The following CSF1R variants were observed in gnomAD, a reference collection of about 807,000 sequenced individuals.
The protein encoded by CSF1R is macrophage colony-stimulating factor 1 receptor.
CSF1R carries 40 observed loss-of-function variants against 110.0 expected under a neutral mutation model. The observed-to-expected ratio is 0.36, with a 90% CI of 0.28 to 0.47. The LOEUF (loss-of-function observed/expected upper bound fraction) is 0.47. Among genes scored for constraint, CSF1R ranks in the 20% least tolerant of loss-of-function variants. The pLI, the probability that CSF1R is intolerant of heterozygous loss-of-function variation, is 0.99. For synonymous variants in CSF1R, 523 were observed against 503.4 expected (o/e 1.04, Z -0.52); for missense variants, 1,052 against 1,253.0 (o/e 0.84, Z 2.42).
intron 10 of CSF1R, among the ~76,000 whole-genome samples, chr5:150,063,800 C>T (rs138911086): frequency 1.6e-3 from 249 of 152,240 alleles, no homozygotes; most frequent in African/African-American, 5.5e-3. Flanking sequence ...CGGTGGAGGA[C>T]ACTGAGGCCC....
intron 1 of CSF1R, among the ~76,000 whole-genome samples, chr5:150,109,059 C>A (rs953660968): frequency 4.8e-4 from 4 of 8,398 alleles, no homozygotes; most frequent in African/African-American, 8.0e-4. Context: ...GAGAAGCCCG[C>A]CCCCCCCCCA....
chr5:150,106,267 A>C (rs1029854575), intron 1 of CSF1R, among the ~76,000 whole-genome samples: 1 of 152,206 alleles, frequency 6.6e-6, no homozygotes, highest in African/African-American at 2.4e-5. Context: ...AGGAGTTTGC[A>C]TGACAGCCCA....
rs1411485405 is a variant in CSF1R at position 150,057,612 on chromosome 5, G to C, written c.2133-20C>G. 3 of 1,595,964 alleles carry C rather than the reference G, an allele frequency of 1.9e-6. No individual in the cohort carries two copies. In the East Asian group the frequency reaches 6.7e-5, roughly 36 times the overall value. On this transcript the variant is annotated intron_variant, in intron 14 of 20. Transcript: ENST00000675795. ...CTGTCCCTACATAGGAGAGAGGGTT[G>C]GGGGGCAGAGGTCACTCATCATCAC...
intron 1 of CSF1R, chr5:150,095,186 T>G (rs1338839992): frequency 6.5e-6 from 4 of 616,988 alleles, no homozygotes; most frequent in East Asian, 5.5e-5. Context: ...AAAGGAGAGA[T>G]ATAAAAATCT....
chr5:150,063,174 C>T (rs769797239), intron 10 of CSF1R, among the ~76,000 whole-genome samples: 1 of 152,136 alleles, frequency 6.6e-6, no homozygotes, highest in Non-Finnish European at 1.5e-5. Context: ...TGTGGCACCA[C>T]ACCTGGCTAA....
chr5:150,054,521 G>T, intron 19 of CSF1R, 91 bp from the exon 20 acceptor site: 1 of 1,056,628 alleles, frequency 9.5e-7, no homozygotes, highest in Non-Finnish European at 1.4e-6. Context: ...CCCAGCAGAG[G>T]TCCCCAAACC....
At chr5:150,082,284 C>T (rs915412066) in intron 1 of CSF1R, among the ~76,000 whole-genome samples, 4 of 152,244 alleles carry the variant, frequency 2.6e-5, no homozygotes, top group Non-Finnish European at 2.9e-5. Flanking sequence ...CCATTGTTCT[C>T]TGCAAACCCC....
intron 1 of CSF1R, among the ~76,000 whole-genome samples, chr5:150,110,461 G>A (rs932570763): frequency 2.0e-5 from 3 of 152,172 alleles, no homozygotes; most frequent in Non-Finnish European, 2.9e-5. Flanking sequence ...TTGCATTTCT[G>A]ACATTGGTTA....
intron 1 of CSF1R, chr5:150,094,540 A>G: frequency 6.3e-7 from 1 of 1,598,136 alleles, no homozygotes; most frequent in South Asian, 1.1e-5. Context: ...AAAGCTGGCA[A>G]CTTCTATGTA....
intron 1 of CSF1R, 46 bp from the exon 2 acceptor site, chr5:150,081,070 G>GC: frequency 1.2e-6 from 2 of 1,600,264 alleles, no homozygotes; most frequent in Non-Finnish European, 1.7e-6. Context: ...TCTAGGATGC[G>GC]CCCCTTGGGC....
intron 5 of CSF1R, chr5:150,077,072 G>A: frequency 3.0e-6 from 2 of 669,708 alleles, no homozygotes; most frequent in Non-Finnish European, 5.3e-6. Flanking sequence ...CACTGTAAGA[G>A]CTCCAAGATG....
intron 1 of CSF1R, among the ~76,000 whole-genome samples, chr5:150,097,298 G>GTAGGGA (rs1759255632): frequency 4.9e-5 from 4 of 81,392 alleles, no homozygotes; most frequent in African/African-American, 2.2e-4. Flanking sequence ...AAGGAGAAGG[G>GTAGGGA]AAGGGAAAGG....
At chr5:150,088,282 CA>C (rs1482917772), upstream of CSF1R, among the ~76,000 whole-genome samples, 2 of 152,088 alleles carry the variant, frequency 1.3e-5, no homozygotes, top group Admixed American at 1.3e-4. Flanking sequence ...GAAATTTAAT[CA>C]GTAATCAAAA....
intron 1 of CSF1R, among the ~76,000 whole-genome samples, chr5:150,104,497 C>T (rs1306061103): frequency 2.0e-5 from 3 of 152,250 alleles, no homozygotes; most frequent in Non-Finnish European, 4.4e-5. Flanking sequence ...CAACCGCATC[C>T]CAGCATTTTC....
At chr5:150,057,199 C>G in intron 16 of CSF1R, 88 bp downstream of exon 16, 2 of 1,137,350 alleles carry the variant, frequency 1.8e-6, no homozygotes, top group Non-Finnish European at 2.6e-6. Flanking sequence ...CTCACAGGCT[C>G]CCGTTTCCTC....
At chr5:150,095,089 A>C in intron 1 of CSF1R, 1 of 648,950 alleles carries the variant, frequency 1.5e-6, no homozygotes, top group Admixed American at 3.0e-5. Context: ...GTTGGTTAAT[A>C]AACAGTACCT....
In CSF1R at chr5:150,080,913, G is replaced by C. The variant is rs752543190; in HGVS notation, c.161C>G (p.Pro54Arg). 3.7e-6 allele frequency: 6 copies of C among 1,614,002 alleles called. No individual in the cohort carries two copies. In the South Asian group the frequency reaches 6.6e-5, roughly 18 times the overall value. Residue 54 changes from proline to arginine, a missense_variant, in exon 2 of 21, where the codon CCA becomes CGA. Pro to Arg is a moderately radical substitution (Grantham distance 103, BLOSUM62 -2). Coordinates refer to ENST00000675795, the MANE Select transcript of CSF1R (RefSeq NM_001288705.3). ...GNGSVEWDGP[P>R]SPHWTLYSDG... ...AGAGTACAGGGTCCAGTGAGGTGAT[G>C]GGGGGCCATCCCATTCCACGCTGCC...
chr5:150,061,786 T>C lies in CSF1R; in HGVS notation c.1690A>G (p.Ile564Val). 1 of 1,614,182 alleles carries C rather than the reference T, an allele frequency of 6.2e-7. No individual in the cohort carries two copies. Among genetic ancestry groups the C allele is most frequent in the South Asian group, 1.1e-5 (1 of 91,078 alleles). Reference sequence around the variant, plus strand: ...TTGTAAGGCAGCTGCGTGGGGTCGATGAAAGTATAACTGTTGCCCTCATAG... The same window carrying C: ...TTGTAAGGCAGCTGCGTGGGGTCGACGAAAGTATAACTGTTGCCCTCATAG... ...ESYEGNSYTF[I>V]DPTQLPYNEK... The change falls in exon 11 of 21, where the codon ATC becomes GTC. Residue 564 changes from isoleucine (I) to valine (V), a missense_variant. Ile to Val is a conservative substitution (Grantham distance 29). This residue lies in a region of CSF1R where 693 missense variants were observed against 735.4 expected (regional missense o/e 0.94). Coordinates refer to ENST00000675795, the MANE Select transcript of CSF1R (RefSeq NM_001288705.3).
At chr5:150,096,692 C>G (rs1759234980) in intron 1 of CSF1R, among the ~76,000 whole-genome samples, 2 of 152,158 alleles carry the variant, frequency 1.3e-5, no homozygotes, top group African/African-American at 4.8e-5. Context: ...ACTCAAAAAT[C>G]AAGCACTATA....
Sources: allele counts gnomAD v4.1 joint callset (sites outside exome capture counted in the v4.1 genomes callset), GRCh38; gene constraint gnomAD v4.1.1; regional missense constraint gnomAD v4.1.1; transcripts MANE v1.5; gene names NCBI Gene and HGNC (gene_info 2026-07-23, HGNC 2026-07-21).